ZNF292: variants seen among roughly 807,000 people sequenced by gnomAD.
ZNF292 encodes the protein 16 zinc-finger domain protein.
In ZNF292, 26 loss-of-function variants were observed where a neutral mutation model predicts 217.9. That is an observed-to-expected ratio of 0.12 (90% CI 0.09 to 0.17). The LOEUF is 0.17. ZNF292 is among the 10% of genes least tolerant of loss of function. The pLI is 1.00. For synonymous variants in ZNF292, 1,257 were observed against 1,124.1 expected, an observed-to-expected ratio of 1.12 and a Z score of -2.37; for missense variants, 2,904 against 3,175.2, an observed-to-expected ratio of 0.91 and a Z score of 2.05.
At chr6:87,166,956 C>T (rs921163334) in intron 1 of ZNF292, among the ~76,000 whole-genome samples, 1 of 152,094 alleles carries the variant, frequency 6.6e-6, no homozygotes, top group African/African-American at 2.4e-5. Context: ...CCCAAGGTCC[C>T]AGAGTTAGGA....
rs1775717163 is a variant in ZNF292 at position 87,263,642 on chromosome 6, A to C, written c.*1841A>C. ...ACGTTAAAATCCCTGCCCTTTGGTG[A>C]GCCCACTGTTATTTATTAAAATAAA... is the stretch of plus-strand genomic sequence containing the variant. On this transcript the variant is annotated 3_prime_UTR_variant, in exon 8 of 8. Transcript: ENST00000369577. 2 of 152,110 alleles carry C rather than the reference A, an allele frequency of 1.3e-5. No individual in the cohort carries two copies. Among genetic ancestry groups the C allele is most frequent in the Non-Finnish European group, 2.9e-5 (2 of 67,974 alleles). The allele number at this position is 152,110 out of a possible 1,614,324, so 9.4% of individuals were successfully genotyped here. A position where few individuals can be genotyped will look rare whatever the true frequency, so the allele number is the denominator to read the frequency against.
chr6:87,164,984 C>T (rs1051740439), intron 1 of ZNF292, among the ~76,000 whole-genome samples: 3 of 150,068 alleles, frequency 2.0e-5, no homozygotes, highest in African/African-American at 7.4e-5. Flanking sequence ...AGGCTGGTCT[C>T]GAACTCCTGA....
intron 6 of ZNF292, among the ~76,000 whole-genome samples, chr6:87,244,775 G>C (rs1157912380): frequency 6.6e-6 from 1 of 151,912 alleles, no homozygotes; most frequent in Non-Finnish European, 1.5e-5. Context: ...TTTTAAATTT[G>C]TTAGAAGATA....
At position 87,257,614 on chromosome 6, in the gene ZNF292, A is replaced by C; in HGVS notation, c.3985A>C (p.Asn1329His). 1 of 1,607,862 alleles carries C rather than the reference A, an allele frequency of 6.2e-7. No individual in the cohort carries two copies. The highest frequency in any genetic ancestry group is 8.5e-7 in the Non-Finnish European group (1 of 1,176,788). ...TCCTTCACAAGTGAATGTTGCAAATAACTTCAGTAGCACCAATGCCCAACA... is the reference window on the plus strand; with the variant it reads ...TCCTTCACAAGTGAATGTTGCAAATCACTTCAGTAGCACCAATGCCCAACA... ...VFPSQVNVAN[N>H]FSSTNAQQSA... The change falls in exon 8 of 8, where the codon AAC becomes CAC. Residue 1329 changes from asparagine (N) to histidine (H), a missense_variant. Asn to His is a moderately conservative substitution (Grantham distance 68, BLOSUM62 1). Around this residue, in one of 15 missense-constraint regions of ZNF292, gnomAD observed 687 missense variants for 623.0 expected, o/e 1.10. Transcript: ENST00000369577.
At position 87,258,214 on chromosome 6, in the gene ZNF292, C is replaced by A. The variant is rs201591532; in HGVS notation, c.4585C>A (p.Pro1529Thr). 48 of 1,611,940 alleles carry A rather than the reference C, an allele frequency of 3.0e-5. No individual in the cohort carries two copies. In the African/African-American group the frequency reaches 6.3e-4, roughly 21 times the overall value. ...DASQVNATVM[P>T]NPTVPPLLHT... is the part of the protein sequence containing the mutation. ...ATCACAAGTAAATGCAACGGTGATG[C>A]CAAATCCAACTGTACCACCCCTGTT... Residue 1529 changes from proline (P) to threonine (T), a missense_variant, in exon 8 of 8, where the codon CCA becomes ACA. Coordinates refer to ENST00000369577, the MANE Select transcript of ZNF292 (RefSeq NM_015021.3).
intron 4 of ZNF292, among the ~76,000 whole-genome samples, chr6:87,225,665 A>T (rs940642536): frequency 6.6e-6 from 1 of 152,240 alleles, no homozygotes; most frequent in East Asian, 1.9e-4. Flanking sequence ...CTTATTCAGG[A>T]TTACATCTGT....
chr6:87,227,079 A>G (rs1773394135), intron 4 of ZNF292, among the ~76,000 whole-genome samples: 1 of 152,230 alleles, frequency 6.6e-6, no homozygotes, highest in Non-Finnish European at 1.5e-5. Context: ...AAATTGTAGC[A>G]TACTAAGTTC....
At chr6:87,245,684 CATTATCATTA>C in intron 7 of ZNF292, 40 bp downstream of exon 7, 1 of 1,254,022 alleles carries the variant, frequency 8.0e-7, no homozygotes. Context: ...AAAATGTGTA[CATTATCATTA>C]ATAAAAGACT....
intron 1 of ZNF292, among the ~76,000 whole-genome samples, chr6:87,200,476 C>A (rs1035005625): frequency 3.3e-5 from 5 of 152,054 alleles, no homozygotes; most frequent in Admixed American, 1.3e-4. Flanking sequence ...AAAAAAAAAT[C>A]TCTGCTCCCA....
chr6:87,202,728 A>G (rs1174550767), intron 1 of ZNF292, among the ~76,000 whole-genome samples: 3 of 151,982 alleles, frequency 2.0e-5, no homozygotes, highest in Non-Finnish European at 4.4e-5. Context: ...TTTTGATTAC[A>G]ATATTTCCCC....
At chr6:87,180,513 A>C (rs1168434901) in intron 1 of ZNF292, among the ~76,000 whole-genome samples, 1 of 152,128 alleles carries the variant, frequency 6.6e-6, no homozygotes, top group African/African-American at 2.4e-5. Flanking sequence ...GAGGCTGCAC[A>C]CCCCAGACCT....
At position 87,261,623 on chromosome 6, in the gene ZNF292, A is replaced by G; in HGVS notation, c.7994A>G (p.Asn2665Ser). 1 of 1,611,384 alleles carries G rather than the reference A, an allele frequency of 6.2e-7. No individual in the cohort carries two copies. Among genetic ancestry groups the G allele is most frequent in the Non-Finnish European group, 8.5e-7 (1 of 1,178,428 alleles). ...ANPSQLQCSDNVKIVLDKNLK... is the reference protein window; with the variant it reads ...ANPSQLQCSDSVKIVLDKNLK... ...CCATCACAGCTTCAGTGCAGTGATA[A>G]TGTAAAAATTGTTTTAGACAAGAAT... Residue 2665 changes from asparagine (N) to serine (S), a missense_variant, in exon 8 of 8, where the codon AAT becomes AGT. Physicochemically the swap from Asn to Ser is conservative, Grantham distance 46. Coordinates refer to ENST00000369577, the MANE Select transcript of ZNF292 (RefSeq NM_015021.3).
In ZNF292 at chr6:87,255,213, A is replaced by G; in HGVS notation, c.1584A>G (p.Gly528=). 3.7e-6 allele frequency: 6 copies of G among 1,613,842 alleles called. No homozygotes were observed. The highest frequency in any genetic ancestry group is 5.1e-6 in the Non-Finnish European group (6 of 1,179,838). The change falls in exon 8 of 8, where the codon GGA becomes GGG. Residue 528 remains glycine (G), a synonymous_variant. Transcript: ENST00000369577. ...KREIKQLRER[G]FISARFRNWQ... ...AGATAAAACAGTTAAGAGAGAGGGGATTTATATCTGCTCGGTTTAGGAATT... is the reference window on the plus strand; with the variant it reads ...AGATAAAACAGTTAAGAGAGAGGGGGTTTATATCTGCTCGGTTTAGGAATT...
In ZNF292 at chr6:87,258,271, A is replaced by G; in HGVS notation, c.4642A>G (p.Thr1548Ala). The change falls in exon 8 of 8, where the codon ACC becomes GCC. Residue 1548 changes from threonine to alanine, a missense_variant. Transcript: ENST00000369577. The stretch of plus-strand genomic sequence containing the variant: ...TGTATGCCATCCAAACACCTTGCTG[A>G]CCAACCAGAATAGGACGTCAAACTC... ...HTVCHPNTLL[T>A]NQNRTSNSKT... The G allele has an allele frequency of 6.2e-7, 1 of 1,613,366 alleles. No individual in the cohort carries two copies. Among genetic ancestry groups the G allele is most frequent in the Non-Finnish European group, 8.5e-7 (1 of 1,179,672 alleles).
chr6:87,222,755 CT>C, intron 4 of ZNF292: 2 of 446,194 alleles, frequency 4.5e-6, no homozygotes, highest in Non-Finnish European at 9.0e-6. Flanking sequence ...ACCTAATGTC[CT>C]TTTTCTATTC....
rs71014998 is a variant in ZNF292 at position 87,165,757 on chromosome 6, CTTTTTT to C, written c.168+10011_168+10016del. Among the ~76,000 whole-genome samples, 486 of 131,264 alleles carry C rather than the reference CTTTTTT, an allele frequency of 3.7e-3. 2 individuals carry two copies. Among genetic ancestry groups the C allele is most frequent in the African/African-American group, 0.013 (460 of 35,262 alleles). The allele number at this position is 131,264 out of a possible 152,430, so 86.1% of individuals were successfully genotyped here. A position where few individuals can be genotyped will look rare whatever the true frequency, so the allele number is the denominator to read the frequency against. ...AAAATTAAAATACATGTTTACATTT[CTTTTTT>C]TTTTTTTTTTTTGACATAGAGTTTC... On this transcript the variant is annotated intron_variant, in intron 1 of 7. Coordinates refer to ENST00000369577, the MANE Select transcript of ZNF292 (RefSeq NM_015021.3).
chr6:87,254,703 C>T lies in ZNF292; in HGVS notation c.1074C>T (p.Arg358=), dbSNP rs1376215115. The stretch of plus-strand genomic sequence containing the variant: ...TAGAACTGTGTGTAAAGGCTCTTCG[C>T]TTGGAGTCTACAGAAAATACTGAAG... ...TCIELCVKAL[R]LESTENTEVK... The change falls in exon 8 of 8, where the codon CGC becomes CGT. Residue 358 remains arginine, a synonymous_variant. Coordinates refer to ENST00000369577, the MANE Select transcript of ZNF292 (RefSeq NM_015021.3). 4 of 1,613,914 alleles carry T rather than the reference C, an allele frequency of 2.5e-6. No individual in the cohort carries two copies. Among genetic ancestry groups the T allele is most frequent in the Non-Finnish European group, 3.4e-6 (4 of 1,179,822 alleles).
intron 1 of ZNF292, among the ~76,000 whole-genome samples, chr6:87,162,624 T>C (rs576307865): frequency 1.3e-5 from 2 of 152,362 alleles, no homozygotes; most frequent in South Asian, 4.1e-4. Context: ...TAAATTCTAC[T>C]TTGCAGAGTA....
chr6:87,161,367 A>T (rs529223913), intron 1 of ZNF292, among the ~76,000 whole-genome samples: 1 of 152,360 alleles, frequency 6.6e-6, no homozygotes, highest in Admixed American at 6.5e-5. Flanking sequence ...TATCACTTCA[A>T]AATGACAGCT....
Sources: gnomAD v4.1 joint callset for allele counts (sites outside exome capture counted in the v4.1 genomes callset) on GRCh38, gnomAD v4.1.1 for gene constraint, gnomAD v4.1.1 regional missense constraint, MANE v1.5 for transcripts, NCBI Gene and HGNC (gene_info 2026-07-23, HGNC 2026-07-21) for gene names.